PRKAG2: variants seen among roughly 807,000 people sequenced by gnomAD.
The protein encoded by PRKAG2 is 5'-AMP-activated protein kinase subunit gamma-2.
In PRKAG2, 26 loss-of-function variants were observed where a neutral mutation model predicts 69.6. The ratio of observed to expected loss-of-function variants is 0.37; its 90% CI spans 0.27 to 0.52. PRKAG2 has a LOEUF of 0.52. Among genes scored for constraint, PRKAG2 ranks in the 20% least tolerant of loss-of-function variants. The pLI is 0.90. For synonymous variants in PRKAG2, 293 were observed against 285.0 expected, an observed-to-expected ratio of 1.03 and a Z score of -0.28; for missense variants, 557 against 740.0, an observed-to-expected ratio of 0.75 and a Z score of 2.87.
chr7:151,664,924 C>G (rs1252430184), intron 4 of PRKAG2, among the ~76,000 whole-genome samples: 1 of 152,194 alleles, frequency 6.6e-6, no homozygotes, highest in Admixed American at 6.5e-5. Flanking sequence ...CTTGAGAACT[C>G]TATCAACCAA....
At chr7:151,591,870 C>T (rs1813224299) in intron 6 of PRKAG2, among the ~76,000 whole-genome samples, 2 of 152,202 alleles carry the variant, frequency 1.3e-5, no homozygotes, top group African/African-American at 4.8e-5. Flanking sequence ...CAGATAATGA[C>T]TCTCCCGCTG....
At chr7:151,792,732 C>T (rs977819476) in intron 1 of PRKAG2, among the ~76,000 whole-genome samples, 9 of 152,236 alleles carry the variant, frequency 5.9e-5, no homozygotes, top group African/African-American at 1.2e-4. Context: ...ATCAGGGTCA[C>T]GATACAACAT....
Position 151,660,777 on chromosome 7 carries a change from C to T in PRKAG2, c.684+14643G>A, listed in dbSNP as rs150085602. ...GTATAAAGGAACAACAAAAGTTAGACGAAAATGTGACACCGGAATTTATCC... is the reference window on the plus strand; with the variant it reads ...GTATAAAGGAACAACAAAAGTTAGATGAAAATGTGACACCGGAATTTATCC... On this transcript the variant is annotated intron_variant, in intron 4 of 15. Transcript: ENST00000287878. 3.9e-3 allele frequency among the ~76,000 whole-genome samples: 594 copies of T among 152,282 alleles called. 4 individuals carry two copies. The highest frequency in any genetic ancestry group is 0.013 in the African/African-American group (547 of 41,558).
intron 3 of PRKAG2, among the ~76,000 whole-genome samples, chr7:151,726,304 G>A (rs1261366517): frequency 1.3e-5 from 2 of 152,006 alleles, no homozygotes; most frequent in Non-Finnish European, 2.9e-5. Flanking sequence ...GGCATGCAGG[G>A]CGCCAGGTTA....
intron 4 of PRKAG2, among the ~76,000 whole-genome samples, chr7:151,659,800 T>C (rs1433293668): frequency 2.0e-5 from 3 of 152,258 alleles, no homozygotes; most frequent in Non-Finnish European, 4.4e-5. Flanking sequence ...TGGAGGGCTA[T>C]AGATAGCCTC....
intron 1 of PRKAG2, among the ~76,000 whole-genome samples, chr7:151,855,923 T>C (rs1338961401): frequency 6.6e-6 from 1 of 152,076 alleles, no homozygotes; most frequent in Non-Finnish European, 1.5e-5. Flanking sequence ...TGCAGTTACA[T>C]AAAATACCTT....
At chr7:151,670,898 G>A (rs55914012) in intron 4 of PRKAG2, among the ~76,000 whole-genome samples, 90,235 of 148,526 alleles carry the variant, frequency 0.61, 27,544 homozygotes, top group Admixed American at 0.66. Flanking sequence ...TTGGCCGCGC[G>A]TGGTTGGCTC....
intron 4 of PRKAG2, chr7:151,633,072 G>A (rs1825076694): frequency 2.0e-5 from 3 of 152,236 alleles, no homozygotes; most frequent in African/African-American, 7.2e-5. Context: ...AGAGTGCACG[G>A]GCGCCGCGAA....
chr7:151,613,047 C>G (rs1369587443), intron 5 of PRKAG2, among the ~76,000 whole-genome samples: 1 of 152,180 alleles, frequency 6.6e-6, no homozygotes, highest in Non-Finnish European at 1.5e-5. Flanking sequence ...CCACACTCAG[C>G]CTCCCTGGTG....
chr7:151,660,792 G>A (rs1343955607), intron 4 of PRKAG2, among the ~76,000 whole-genome samples: 1 of 152,184 alleles, frequency 6.6e-6, no homozygotes, highest in African/African-American at 2.4e-5. Context: ...ATGTGACACC[G>A]GAATTTATCC....
At chr7:151,710,371 C>T (rs973897730) in intron 3 of PRKAG2, among the ~76,000 whole-genome samples, 2 of 152,218 alleles carry the variant, frequency 1.3e-5, no homozygotes, top group African/African-American at 2.4e-5. Flanking sequence ...CAAGTGGTCA[C>T]CCACCAGTCT....
At chr7:151,608,509 C>T (rs1471453298) in intron 5 of PRKAG2, among the ~76,000 whole-genome samples, 3 of 152,148 alleles carry the variant, frequency 2.0e-5, no homozygotes, top group African/African-American at 7.2e-5. Context: ...GTCCCTTGCT[C>T]TTCTCTATAA....
At chr7:151,703,527 A>C (rs1276212209) in intron 3 of PRKAG2, among the ~76,000 whole-genome samples, 1 of 152,118 alleles carries the variant, frequency 6.6e-6, no homozygotes, top group Non-Finnish European at 1.5e-5. Flanking sequence ...ATGGAGCATA[A>C]TATAGAAAAG....
intron 3 of PRKAG2, among the ~76,000 whole-genome samples, chr7:151,705,543 G>A (rs777118743): frequency 1.3e-5 from 2 of 152,148 alleles, no homozygotes; most frequent in Non-Finnish European, 2.9e-5. Context: ...CACTCCTTAG[G>A]GAGACAGATA....
intron 3 of PRKAG2, among the ~76,000 whole-genome samples, chr7:151,761,750 G>A (rs1041785147): frequency 4.5e-4 from 69 of 152,268 alleles, no homozygotes; most frequent in African/African-American, 8.4e-4. Flanking sequence ...TACAAGAGGC[G>A]GAAGGACCCA....
chr7:151,795,887 ATAT>A (rs1563689832), intron 1 of PRKAG2, among the ~76,000 whole-genome samples: 53 of 107,510 alleles, frequency 4.9e-4, no homozygotes, highest in African/African-American at 1.8e-3. Flanking sequence ...ATATATATAT[ATAT>A]CACGATAATA....
intron 2 of PRKAG2, among the ~76,000 whole-genome samples, chr7:151,783,912 CAAAA>C (rs536105914): frequency 0.012 from 338 of 28,924 alleles, 1 homozygote; most frequent in Non-Finnish European, 0.015. Context: ...GACCCTGTCT[CAAAA>C]AAAAAAAAAA....
At chr7:151,616,811 T>G (rs1307295056) in intron 5 of PRKAG2, among the ~76,000 whole-genome samples, 1 of 152,186 alleles carries the variant, frequency 6.6e-6, no homozygotes, top group African/African-American at 2.4e-5. Flanking sequence ...CGTAATAGCA[T>G]ATACAAAGAC....
intron 3 of PRKAG2, among the ~76,000 whole-genome samples, chr7:151,692,432 T>C (rs556952936): frequency 5.2e-4 from 79 of 152,272 alleles, no homozygotes; most frequent in African/African-American, 1.8e-3. Context: ...AGTCAGTGTT[T>C]GCTGAGGATG....
Sources: gnomAD v4.1 joint callset for allele counts (sites outside exome capture counted in the v4.1 genomes callset) on GRCh38, gnomAD v4.1.1 for gene constraint, MANE v1.5 for transcripts, NCBI Gene and HGNC (gene_info 2026-07-23, HGNC 2026-07-21) for gene names.